The following NCKAP5 variants were observed in gnomAD, a reference collection of about 807,000 sequenced individuals.
The protein encoded by NCKAP5 is nck-associated protein 5.
In NCKAP5, 92 loss-of-function variants were observed where a neutral mutation model predicts 167.0. The observed-to-expected ratio is 0.55, with a 90% CI of 0.47 to 0.66. The LOEUF (loss-of-function observed/expected upper bound fraction) is 0.66. NCKAP5 is among the 30% of genes least tolerant of loss of function. The pLI is 0.00. For missense variants in NCKAP5, 2,378 were observed against 2,315.0 expected (o/e 1.03, Z -0.56); for synonymous variants, 891 against 877.4 (o/e 1.02, Z -0.27).
rs142227177 is a variant in NCKAP5, at chr2:133,328,440, G to T, written c.70-25330C>A. 2.7e-3 allele frequency among the ~76,000 whole-genome samples: 418 copies of T among 152,260 alleles called. 2 individuals carry two copies. Among genetic ancestry groups the T allele is most frequent in the East Asian group, 0.011 (57 of 5,178 alleles). On this transcript the variant is annotated intron_variant, in intron 3 of 19. Coordinates refer to ENST00000409261, the MANE Select transcript of NCKAP5 (RefSeq NM_207363.3). ...AGATTTAAAACTTAATACATTTTAG[G>T]GGGGAAAGCCGAAGACTCAACTACA...
chr2:132,810,555 T>G (rs1685787439), intron 11 of NCKAP5, among the ~76,000 whole-genome samples: 1 of 152,172 alleles, frequency 6.6e-6, no homozygotes, highest in Non-Finnish European at 1.5e-5. Flanking sequence ...TTCTACTTGT[T>G]CAATTCTATT....
chr2:133,189,790 A>C (rs1446925774), intron 5 of NCKAP5, among the ~76,000 whole-genome samples: 1 of 152,200 alleles, frequency 6.6e-6, no homozygotes, highest in African/African-American at 2.4e-5. Flanking sequence ...AATAAGAGCT[A>C]TTTATGACAA....
chr2:133,608,809 A>G, the NCKAP5 span, among the ~76,000 whole-genome samples: 1 of 152,140 alleles, frequency 6.6e-6, no homozygotes, highest in Non-Finnish European at 1.5e-5. Context: ...TGCACAGATT[A>G]TTGGTTTCCC....
At chr2:132,789,218 G>C (rs1683848069) in intron 13 of NCKAP5, among the ~76,000 whole-genome samples, 1 of 152,186 alleles carries the variant, frequency 6.6e-6, no homozygotes, top group Non-Finnish European at 1.5e-5. Flanking sequence ...GGCTCTGGGA[G>C]CCAGGGATAT....
At chr2:133,668,446 T>G in the NCKAP5 span, among the ~76,000 whole-genome samples, 1 of 152,082 alleles carries the variant, frequency 6.6e-6, no homozygotes, top group Non-Finnish European at 1.5e-5. Flanking sequence ...TCCTTGCTGA[T>G]ATTTCTTATT....
chr2:133,458,091 G>C (rs535449780), intron 3 of NCKAP5, among the ~76,000 whole-genome samples: 1 of 152,238 alleles, frequency 6.6e-6, no homozygotes, highest in African/African-American at 2.4e-5. Flanking sequence ...CATCAGCAAA[G>C]TTTTTGTTCA....
At chr2:132,933,225 G>A (rs1428448098) in intron 8 of NCKAP5, among the ~76,000 whole-genome samples, 1 of 151,978 alleles carries the variant, frequency 6.6e-6, no homozygotes, top group Non-Finnish European at 1.5e-5. Context: ...TCTCAACCAC[G>A]AGCTGAAACA....
At chr2:133,379,826 C>A (rs1216519812) in intron 3 of NCKAP5, among the ~76,000 whole-genome samples, 2 of 152,124 alleles carry the variant, frequency 1.3e-5, no homozygotes, top group Non-Finnish European at 2.9e-5. Context: ...AGACTTTATA[C>A]CCATCCCTGT....
intron 3 of NCKAP5, among the ~76,000 whole-genome samples, chr2:133,331,541 A>T (rs949865131): frequency 2.6e-5 from 4 of 152,224 alleles, no homozygotes; most frequent in African/African-American, 9.6e-5. Context: ...GTTCTGCTCC[A>T]TGGTGGCAAA....
rs397872263 is a variant in NCKAP5 at position 133,273,973 on chromosome 2, C to CAAA, written c.143+29061_143+29063dup. ...CCTTAACCTGATAAAGTTTGTCTAC[C>CAAA]AAAAAAAAAAAAAAAAATCTATAAC... On this transcript the variant is annotated intron_variant, in intron 4 of 19. Transcript: ENST00000409261. 3.6e-3 allele frequency among the ~76,000 whole-genome samples: 442 copies of CAAA among 123,642 alleles called. 3 individuals carry two copies. The highest frequency in any genetic ancestry group is 0.013 in the African/African-American group (423 of 33,742). 81.1% of individuals were successfully genotyped at this position (123,642 alleles called of 152,430 possible).
the NCKAP5 span, among the ~76,000 whole-genome samples, chr2:133,669,473 G>A: frequency 6.6e-6 from 1 of 152,166 alleles, no homozygotes; most frequent in African/African-American, 2.4e-5. Context: ...GTATATTGTT[G>A]TCAGGTAAAA....
At chr2:132,956,272 G>C (rs2149171499) in intron 8 of NCKAP5, among the ~76,000 whole-genome samples, 1 of 152,280 alleles carries the variant, frequency 6.6e-6, no homozygotes, top group South Asian at 2.1e-4. Flanking sequence ...GTTTAGTACA[G>C]AACTGGACCT....
intron 5 of NCKAP5, among the ~76,000 whole-genome samples, chr2:133,211,151 C>T (rs2086197885): frequency 6.6e-6 from 1 of 152,092 alleles, no homozygotes; most frequent in South Asian, 2.1e-4. Flanking sequence ...CCCAGACATC[C>T]CCATGGTAAA....
chr2:132,977,929 T>C (rs2077022745), intron 7 of NCKAP5, among the ~76,000 whole-genome samples: 1 of 152,212 alleles, frequency 6.6e-6, no homozygotes, highest in Admixed American at 6.5e-5. Flanking sequence ...AAGCTATCAC[T>C]TGAGGTGCTT....
intron 3 of NCKAP5, among the ~76,000 whole-genome samples, chr2:133,339,507 T>A (rs767956080): frequency 6.6e-6 from 1 of 152,220 alleles, no homozygotes. Context: ...AGGGACCTAA[T>A]TGAACAAGTG....
intron 11 of NCKAP5, 91 bp downstream of exon 11, chr2:132,860,401 G>T: frequency 7.2e-7 from 1 of 1,382,148 alleles, no homozygotes; most frequent in Non-Finnish European, 9.8e-7. Context: ...AATATGCCTT[G>T]CTCATGAAGA....
chr2:132,910,442 C>T (rs973857540), intron 8 of NCKAP5, among the ~76,000 whole-genome samples: 1 of 152,064 alleles, frequency 6.6e-6, no homozygotes, highest in Non-Finnish European at 1.5e-5. Flanking sequence ...CTTCTAGTAA[C>T]CATCCTTCTA....
rs186994157 is a variant in NCKAP5 at position 133,091,062 on chromosome 2, C to T, written c.341+38916G>A. On this transcript the variant is annotated intron_variant, in intron 6 of 19. Coordinates refer to ENST00000409261, the MANE Select transcript of NCKAP5 (RefSeq NM_207363.3). ...TATTTAAAGGTGTGTATCACCTCCC[C>T]ATTCATGCTCTCTTCCTCCTGCTCT... is the stretch of plus-strand genomic sequence containing the variant. Among the ~76,000 whole-genome samples the T allele has an allele frequency of 9.5e-4, 145 of 152,252 alleles. No homozygotes were observed. In the Middle Eastern group the frequency reaches 0.024, roughly 25 times the overall value.
At chr2:133,453,958 T>C (rs1253930814) in intron 3 of NCKAP5, among the ~76,000 whole-genome samples, 2 of 152,062 alleles carry the variant, frequency 1.3e-5, no homozygotes, top group African/African-American at 2.4e-5. Flanking sequence ...CATGGTACAA[T>C]TCATCATGTA....
Sources: gnomAD v4.1 joint callset for allele counts (sites outside exome capture counted in the v4.1 genomes callset) on GRCh38, gnomAD v4.1.1 for gene constraint, MANE v1.5 for transcripts, NCBI Gene and HGNC (gene_info 2026-07-23, HGNC 2026-07-21) for gene names.